The following WARS1 variants were observed in gnomAD, a reference collection of about 807,000 sequenced individuals.
WARS1 encodes the protein tryptophan--tRNA ligase, cytoplasmic.
In WARS1, 17 loss-of-function variants were observed where a neutral mutation model predicts 47.8. The observed-to-expected ratio is 0.36, with a 90% CI of 0.24 to 0.53. The LOEUF (loss-of-function observed/expected upper bound fraction) is 0.53, where lower values mean the gene tolerates loss of function less well. WARS1 is among the 20% of genes least tolerant of loss of function. The probability of loss-of-function intolerance (pLI) is 0.91; values close to 1 mark genes in which losing one functional copy is unlikely to be tolerated. For synonymous variants in WARS1, 208 were observed against 228.1 expected (o/e 0.91, Z 0.79); for missense variants, 434 against 608.0 (o/e 0.71, Z 3.01).
chr14:100,367,917 A>C (rs1184061459), intron 2 of WARS1, among the ~76,000 whole-genome samples: 1 of 151,962 alleles, frequency 6.6e-6, no homozygotes, highest in Non-Finnish European at 1.5e-5. Flanking sequence ...TATTTTTTTC[A>C]GAAACAATTG....
intron 2 of WARS1, among the ~76,000 whole-genome samples, chr14:100,363,808 G>A (rs1005143433): frequency 8.5e-5 from 13 of 152,066 alleles, no homozygotes; most frequent in Admixed American, 8.5e-4. Flanking sequence ...TAAATTTTTT[G>A]TAGAGACAGG....
intron 1 of WARS1, among the ~76,000 whole-genome samples, chr14:100,372,645 C>T (rs969884155): frequency 6.6e-6 from 1 of 152,178 alleles, no homozygotes; most frequent in African/African-American, 2.4e-5. Context: ...TATCAAATAA[C>T]GATCAAACTC....
intron 1 of WARS1, chr14:100,370,371 T>C (rs1252623596): frequency 2.0e-5 from 3 of 152,322 alleles, no homozygotes; most frequent in African/African-American, 7.2e-5. Flanking sequence ...CCCCAGGCTC[T>C]TATGAGAACA....
At chr14:100,359,993 G>A (rs1895560839) in intron 4 of WARS1, among the ~76,000 whole-genome samples, 1 of 152,164 alleles carries the variant, frequency 6.6e-6, no homozygotes, top group Non-Finnish European at 1.5e-5. Flanking sequence ...CTTCAAAAAG[G>A]GGGCTGCCTC....
chr14:100,344,773 C>T (rs1202278515), intron 7 of WARS1, among the ~76,000 whole-genome samples: 3 of 151,974 alleles, frequency 2.0e-5, no homozygotes, highest in Non-Finnish European at 4.4e-5. Flanking sequence ...TACCCGGCCG[C>T]GACCCCATCC....
chr14:100,367,040 A>T, intron 2 of WARS1: 2 of 767,980 alleles, frequency 2.6e-6, no homozygotes, highest in Non-Finnish European at 4.1e-6. Flanking sequence ...AATACAGTAA[A>T]ATAAGATTAA....
At chr14:100,342,815 C>T (rs887515362) in intron 8 of WARS1, among the ~76,000 whole-genome samples, 4 of 152,012 alleles carry the variant, frequency 2.6e-5, no homozygotes, top group Non-Finnish European at 4.4e-5. Flanking sequence ...TTGCTGCACC[C>T]ATCAACCCGT....
chr14:100,368,410 G>A (rs1340395424), intron 2 of WARS1: 4 of 455,932 alleles, frequency 8.8e-6, no homozygotes, highest in Non-Finnish European at 1.3e-5. Flanking sequence ...GAGACTGCCT[G>A]GACGGGAAGT....
intron 8 of WARS1, 48 bp downstream of exon 8, chr14:100,343,227 G>A (rs1201410194): frequency 1.3e-6 from 2 of 1,497,626 alleles, no homozygotes; most frequent in African/African-American, 1.4e-5. Flanking sequence ...AGAGGAACCT[G>A]CTGTCAATGC....
At chr14:100,354,991 C>T (rs1895220333) in intron 4 of WARS1, among the ~76,000 whole-genome samples, 1 of 152,158 alleles carries the variant, frequency 6.6e-6, no homozygotes, top group African/African-American at 2.4e-5. Context: ...ACAGTCCTGG[C>T]TTAGCAGGGA....
intron 9 of WARS1, chr14:100,342,171 A>G (rs1225913670): frequency 6.7e-6 from 4 of 597,240 alleles, no homozygotes; most frequent in Non-Finnish European, 1.2e-5. Flanking sequence ...AAAATTCAAA[A>G]TTTTACCTAA....
At chr14:100,338,839 G>A (rs1893928020) in intron 9 of WARS1, among the ~76,000 whole-genome samples, 1 of 151,670 alleles carries the variant, frequency 6.6e-6, no homozygotes, top group Admixed American at 6.6e-5. Flanking sequence ...GGGTGCAGTG[G>A]CTCACACCTG....
chr14:100,342,789 C>T (rs1157780370), intron 8 of WARS1, among the ~76,000 whole-genome samples: 1 of 151,904 alleles, frequency 6.6e-6, no homozygotes, highest in Non-Finnish European at 1.5e-5. Flanking sequence ...CATAGGTATA[C>T]ATGTGCCATG....
At chr14:100,351,989 T>C (rs1476991314) in intron 6 of WARS1, among the ~76,000 whole-genome samples, 3 of 78,472 alleles carry the variant, frequency 3.8e-5, no homozygotes, top group African/African-American at 1.0e-4. Context: ...CGAGACTCCG[T>C]CTCAAAAAAA....
chr14:100,360,688 C>T, intron 3 of WARS1, 26 bp from the exon 4 acceptor site: 1 of 1,566,582 alleles, frequency 6.4e-7, no homozygotes, highest in Non-Finnish European at 8.8e-7. Context: ...AGATGACTTT[C>T]TTAGGTGGCA....
At chr14:100,343,034 A>G (rs868636552) in intron 8 of WARS1, among the ~76,000 whole-genome samples, 3 of 152,032 alleles carry the variant, frequency 2.0e-5, no homozygotes, top group South Asian at 2.1e-4. Context: ...CTGCCACCAC[A>G]TGTGGCTAAA....
chr14:100,358,480 A>G (rs1334840098), intron 4 of WARS1, among the ~76,000 whole-genome samples: 1 of 152,212 alleles, frequency 6.6e-6, no homozygotes, highest in Non-Finnish European at 1.5e-5. Flanking sequence ...GATACCCACA[A>G]GCAAAAGAAT....
Position 100,356,395 on chromosome 14 carries a change from G to GT in WARS1, c.423-1830dup, listed in dbSNP as rs1442136536. 1.5e-4 allele frequency among the ~76,000 whole-genome samples: 12 copies of GT among 82,630 alleles called. No homozygotes were observed. In the East Asian group the frequency reaches 2.7e-3, roughly 19 times the overall value. The allele number at this position is 82,630 out of a possible 152,430, so 54.2% of individuals were successfully genotyped here. A position where few individuals can be genotyped will look rare whatever the true frequency, so the allele number is the denominator to read the frequency against. On this transcript the variant is annotated intron_variant, in intron 4 of 10. Transcript: ENST00000392882. ...CCAAAGTGACTGGGTGTGTGTGTGTGTGTGGGGGGGGGTGTGGAATAAAAG... is the reference window on the plus strand; with the variant it reads ...CCAAAGTGACTGGGTGTGTGTGTGTGTTGTGGGGGGGGGTGTGGAATAAAAG...
rs562868516 is a variant in WARS1 at position 100,354,050 on chromosome 14, T to C, written c.543-181A>G. The C allele has an allele frequency of 4.9e-6, 3 of 614,994 alleles. No homozygotes were observed. In the East Asian group the frequency reaches 8.6e-5, roughly 18 times the overall value. 38.1% of individuals were successfully genotyped at this position (614,994 alleles called of 1,614,324 possible). ...TAATGATAAGGTCTACTACCATTTA[T>C]CGACCAGGTGGCCCTGTGTGCTCTG... On this transcript the variant is annotated intron_variant, in intron 5 of 10. Transcript: ENST00000392882.
Sources: gnomAD v4.1 joint callset for allele counts (sites outside exome capture counted in the v4.1 genomes callset) on GRCh38, gnomAD v4.1.1 for gene constraint, MANE v1.5 for transcripts, NCBI Gene and HGNC (gene_info 2026-07-23, HGNC 2026-07-21) for gene names.